Variants in FMN2 observed in about 807,000 individuals in gnomAD.
FMN2 encodes formin 2.
In FMN2, 51 loss-of-function variants were observed where a neutral mutation model predicts 142.3. The observed-to-expected ratio is 0.36, with a 90% CI of 0.29 to 0.45. The LOEUF (loss-of-function observed/expected upper bound fraction) is 0.45, where lower values mean the gene tolerates loss of function less well. Ranked by LOEUF, FMN2 falls within the 20% of genes least tolerant of loss-of-function variation. FMN2 has a pLI of 1.00. For synonymous variants in FMN2, 882 were observed against 869.8 expected (o/e 1.01, Z -0.25); for missense variants, 1,936 against 2,122.8 (o/e 0.91, Z 1.73).
intron 16 of FMN2, among the ~76,000 whole-genome samples, chr1:240,440,551 T>C (rs1284353693): frequency 6.6e-6 from 1 of 152,200 alleles, no homozygotes; most frequent in Non-Finnish European, 1.5e-5. Context: ...TGATGGGCTT[T>C]GGGTTCACAC....
At chr1:240,399,772 C>T (rs752507771) in intron 15 of FMN2, among the ~76,000 whole-genome samples, 37 of 151,464 alleles carry the variant, frequency 2.4e-4, no homozygotes, top group Admixed American at 4.6e-4. Flanking sequence ...CCAGTGCTTC[C>T]ACTCTAGCTG....
At chr1:240,453,640 A>G (rs1472398942) in intron 16 of FMN2, among the ~76,000 whole-genome samples, 1 of 152,160 alleles carries the variant, frequency 6.6e-6, no homozygotes, top group African/African-American at 2.4e-5. Context: ...AAGGAGGAGA[A>G]TGAGAGTGGG....
chr1:240,460,339 A>G lies in FMN2; in HGVS notation c.5061-12033A>G, dbSNP rs148952099. Among the ~76,000 whole-genome samples the G allele has an allele frequency of 3.4e-3, 523 of 152,314 alleles. 5 individuals carry two copies. The highest frequency in any genetic ancestry group is 0.012 in the African/African-American group (496 of 41,564). On this transcript the variant is annotated intron_variant, in intron 16 of 17. Coordinates refer to ENST00000319653, the MANE Select transcript of FMN2 (RefSeq NM_020066.5). ...AAGCGTGCTGGCTCGTGCCTGTAAC[A>G]CCAGCACTTTGAGAGGCCAAGGCGG...
At chr1:240,128,936 C>T (rs970554570) in intron 2 of FMN2, among the ~76,000 whole-genome samples, 2 of 151,894 alleles carry the variant, frequency 1.3e-5, no homozygotes, top group East Asian at 3.9e-4. Context: ...TGCAGTGGCG[C>T]GATCTTGGCT....
chr1:240,408,747 T>A (rs1674296061), intron 15 of FMN2, among the ~76,000 whole-genome samples: 1 of 152,144 alleles, frequency 6.6e-6, no homozygotes, highest in Admixed American at 6.5e-5. Flanking sequence ...TGATTCATAG[T>A]TTATGAATCA....
intron 7 of FMN2, among the ~76,000 whole-genome samples, chr1:240,293,634 A>C (rs936562889): frequency 6.6e-6 from 1 of 152,076 alleles, no homozygotes; most frequent in Non-Finnish European, 1.5e-5. Flanking sequence ...TTTTTGCCTT[A>C]TATGGTCTAA....
intron 16 of FMN2, among the ~76,000 whole-genome samples, chr1:240,454,087 CTTT>C (rs1676149123): frequency 6.6e-6 from 1 of 151,946 alleles, no homozygotes; most frequent in African/African-American, 2.4e-5. Flanking sequence ...GAGTTCATAT[CTTT>C]TTGTATTAGC....
intron 15 of FMN2, among the ~76,000 whole-genome samples, chr1:240,427,358 A>G (rs1674990353): frequency 6.6e-6 from 1 of 151,770 alleles, no homozygotes; most frequent in Non-Finnish European, 1.5e-5. Context: ...GGCGCCCGCC[A>G]CCGCGCCCAG....
At chr1:240,335,136 A>C (rs2103021079) in intron 13 of FMN2, among the ~76,000 whole-genome samples, 1 of 152,274 alleles carries the variant, frequency 6.6e-6, no homozygotes, top group East Asian at 1.9e-4. Flanking sequence ...TAGGGACATT[A>C]TGTAGTGTGG....
intron 1 of FMN2, among the ~76,000 whole-genome samples, chr1:240,121,735 T>TAAAAAAAAAAAAAAAA (rs71168898): frequency 3.9e-5 from 1 of 25,680 alleles, no homozygotes; most frequent in African/African-American, 1.5e-4. Flanking sequence ...AGGGAAATAG[T>TAAAAAAAAAAAAAAAA]AAAAAAAAAA....
chr1:240,162,177 C>G (rs1171013558), intron 2 of FMN2, among the ~76,000 whole-genome samples: 1 of 150,234 alleles, frequency 6.7e-6, no homozygotes, highest in Admixed American at 6.6e-5. Flanking sequence ...ATGAAGAAAG[C>G]AAAAGCAGCT....
chr1:240,299,020 G>C (rs986245003), intron 8 of FMN2, among the ~76,000 whole-genome samples: 14 of 151,152 alleles, frequency 9.3e-5, no homozygotes, highest in African/African-American at 3.4e-4. Flanking sequence ...GCGCAGTCTT[G>C]GCCCACTGCA....
chr1:240,370,866 G>A (rs558506962), intron 14 of FMN2, among the ~76,000 whole-genome samples: 59 of 152,210 alleles, frequency 3.9e-4, no homozygotes, highest in East Asian at 9.6e-4. Flanking sequence ...TAAAGTGTGC[G>A]ACTACTCATT....
chr1:240,282,940 G>A (rs943438773), intron 7 of FMN2, among the ~76,000 whole-genome samples: 15 of 152,216 alleles, frequency 9.9e-5, no homozygotes, highest in African/African-American at 3.1e-4. Flanking sequence ...TAATGTAACT[G>A]CCCAGGTGTG....
At chr1:240,315,267 A>G (rs185826962) in intron 8 of FMN2, among the ~76,000 whole-genome samples, 30 of 152,336 alleles carry the variant, frequency 2.0e-4, no homozygotes, top group African/African-American at 7.2e-4. Flanking sequence ...CATGCCTGCT[A>G]AAAACCTTGG....
At chr1:240,108,435 T>C (rs1661692200) in intron 1 of FMN2, among the ~76,000 whole-genome samples, 1 of 152,182 alleles carries the variant, frequency 6.6e-6, no homozygotes, top group African/African-American at 2.4e-5. Context: ...AGATACAGAA[T>C]ATGTGATATC....
At chr1:240,450,339 A>T (rs1572328400) in intron 16 of FMN2, among the ~76,000 whole-genome samples, 1 of 152,304 alleles carries the variant, frequency 6.6e-6, no homozygotes, top group Middle Eastern at 3.4e-3. Flanking sequence ...GTCTTATGTG[A>T]AGCCTATGAG....
intron 6 of FMN2, among the ~76,000 whole-genome samples, chr1:240,214,616 T>C: frequency 6.6e-6 from 1 of 152,018 alleles, no homozygotes; most frequent in Non-Finnish European, 1.5e-5. Flanking sequence ...GCTTTAGCAT[T>C]CACACACATT....
chr1:240,183,717 C>G lies in FMN2; in HGVS notation c.1931-4490C>G, dbSNP rs1572031125. On this transcript the variant is annotated intron_variant, in intron 3 of 17. Coordinates refer to ENST00000319653, the MANE Select transcript of FMN2 (RefSeq NM_020066.5). ...AATAAGCAGATCATGGAATTGGCCT[C>G]ATTTAGGAAAATTCAGGTATTTAAC... is the stretch of plus-strand genomic sequence containing the variant. Among the ~76,000 whole-genome samples, 3 of 152,002 alleles carry G rather than the reference C, an allele frequency of 2.0e-5. 1 individual carries two copies. The highest frequency in any genetic ancestry group is 2.4e-5 in the African/African-American group (1 of 41,528).
Sources: allele counts gnomAD v4.1 joint callset (sites outside exome capture counted in the v4.1 genomes callset), GRCh38; gene constraint gnomAD v4.1.1; transcripts MANE v1.5; gene names NCBI Gene and HGNC (gene_info 2026-07-23, HGNC 2026-07-21).